Variants in SUPT16H observed in about 807,000 individuals in gnomAD.
The protein encoded by SUPT16H is FACT complex subunit SPT16.
A neutral mutation model predicts 136.2 loss-of-function variants in SUPT16H; 24 were observed. The observed-to-expected ratio is 0.18, with a 90% CI of 0.13 to 0.25. The LOEUF (loss-of-function observed/expected upper bound fraction) is 0.25. Among genes scored for constraint, SUPT16H ranks in the 10% least tolerant of loss-of-function variants. The probability of loss-of-function intolerance (pLI) is 1.00; values close to 1 mark genes in which losing one functional copy is unlikely to be tolerated. For missense variants in SUPT16H, 623 were observed against 1,270.2 expected, an observed-to-expected ratio of 0.49 and a Z score of 7.74; for synonymous variants, 415 against 428.2, an observed-to-expected ratio of 0.97 and a Z score of 0.38.
rs72684747 is a variant in SUPT16H, at chr14:21,378,240, A to G, written c.67-4810T>C. 8.2e-3 allele frequency among the ~76,000 whole-genome samples: 1,252 copies of G among 152,328 alleles called. 14 individuals carry two copies. Among genetic ancestry groups the G allele is most frequent in the Non-Finnish European group, 0.012 (847 of 68,030 alleles). ...ATTCTATGAGTGTGAGAAATTTAGA[A>G]TAAAAGACTGGTAACATTATAATAG... On this transcript the variant is annotated intron_variant, in intron 1 of 25. Coordinates refer to ENST00000216297, the MANE Select transcript of SUPT16H (RefSeq NM_007192.4).
intron 10 of SUPT16H, 63 bp from the exon 11 acceptor site, chr14:21,363,566 G>T: frequency 7.0e-7 from 1 of 1,427,896 alleles, no homozygotes; most frequent in Non-Finnish European, 9.8e-7. Flanking sequence ...TTCTAACCTA[G>T]TAAACGGCTG....
chr14:21,364,460 C>G (rs1305183806), intron 10 of SUPT16H, among the ~76,000 whole-genome samples: 1 of 152,004 alleles, frequency 6.6e-6, no homozygotes, highest in Admixed American at 6.5e-5. Context: ...GATGGTTACA[C>G]AAATGTGAAA....
At chr14:21,381,622 T>A (rs990195583) in intron 1 of SUPT16H, among the ~76,000 whole-genome samples, 30 of 112,396 alleles carry the variant, frequency 2.7e-4, no homozygotes, top group African/African-American at 8.1e-4. Flanking sequence ...TTTTTTTTTT[T>A]AATTTATTTT....
Position 21,353,755 on chromosome 14 carries a change from T to C in SUPT16H, c.2868A>G (p.Glu956=), listed in dbSNP as rs1886372155. The C allele has an allele frequency of 6.2e-7, 1 of 1,613,994 alleles. No individual in the cohort carries two copies. Among genetic ancestry groups the C allele is most frequent in the Non-Finnish European group, 8.5e-7 (1 of 1,180,012 alleles). ...CTTCATCACTGTCCTCCTCTTCCTC[T>C]TCATAGTCATCTTCTGAAGGATTAA... is the stretch of plus-strand genomic sequence containing the variant. The part of the protein sequence containing the change: ...ETFNPSEDDY[E]EEEEDSDEDY... The change falls in exon 24 of 26, where the codon GAA becomes GAG. Residue 956 remains glutamate (E), a synonymous_variant. Transcript: ENST00000216297.
intron 10 of SUPT16H, among the ~76,000 whole-genome samples, chr14:21,364,245 A>C (rs1013512707): frequency 2.0e-5 from 3 of 152,144 alleles, no homozygotes; most frequent in Admixed American, 6.5e-5. Flanking sequence ...GAGGGAAAGA[A>C]GCCAGTCACA....
chr14:21,374,413 A>T (rs1349513218), intron 1 of SUPT16H, among the ~76,000 whole-genome samples: 1 of 152,246 alleles, frequency 6.6e-6, no homozygotes, highest in Admixed American at 6.5e-5. Context: ...ATACAATGTA[A>T]TGATTTTTAG....
intron 2 of SUPT16H, chr14:21,372,266 C>A (rs367725391): frequency 2.1e-6 from 1 of 487,572 alleles, no homozygotes; most frequent in Non-Finnish European, 3.6e-6. Context: ...ATTTTCTCTA[C>A]GTTTATATGC....
At chr14:21,380,610 G>A (rs545112481) in intron 1 of SUPT16H, among the ~76,000 whole-genome samples, 2 of 152,134 alleles carry the variant, frequency 1.3e-5, no homozygotes, top group African/African-American at 4.8e-5. Context: ...TTTGGGGTCA[G>A]TCTTCCACTA....
chr14:21,368,199 G>GGGATTACAGTGTAGGGATT, intron 7 of SUPT16H, 70 bp downstream of exon 7: 1 of 1,512,380 alleles, frequency 6.6e-7, no homozygotes, highest in Non-Finnish European at 9.0e-7. Flanking sequence ...TTACAGGTGT[G>GGGATTACAGTGTAGGGATT]ACCCACAGCT....
intron 1 of SUPT16H, chr14:21,383,562 G>T: frequency 1.5e-6 from 1 of 688,528 alleles, no homozygotes; most frequent in Non-Finnish European, 2.6e-6. Flanking sequence ...CCACGGAGTA[G>T]GAGGGAAGGA....
chr14:21,381,828 C>T (rs1402402772), intron 1 of SUPT16H, among the ~76,000 whole-genome samples: 1 of 150,424 alleles, frequency 6.6e-6, no homozygotes, highest in Non-Finnish European at 1.5e-5. Flanking sequence ...ATCATCTTGC[C>T]CAGGCTGGTC....
At chr14:21,366,320 A>G in intron 8 of SUPT16H, 119 bp downstream of exon 8, 1 of 890,214 alleles carries the variant, frequency 1.1e-6, no homozygotes, top group Non-Finnish European at 1.8e-6. Context: ...GGCACATAGT[A>G]TAGTTTGCTA....
chr14:21,373,572 G>A (rs1046477076), intron 1 of SUPT16H, 142 bp from the exon 2 acceptor site: 15 of 659,550 alleles, frequency 2.3e-5, no homozygotes, highest in African/African-American at 1.5e-4. Flanking sequence ...GCAGTCTTAC[G>A]GCTATTCTAT....
chr14:21,383,750 G>C (rs751917951), intron 1 of SUPT16H, 112 bp downstream of exon 1: 5 of 1,244,850 alleles, frequency 4.0e-6, no homozygotes, highest in Non-Finnish European at 5.9e-6. Context: ...AAAAGGGTGA[G>C]GCACAGAACC....
chr14:21,371,910 A>G lies in SUPT16H; in HGVS notation c.294T>C (p.Asn98=), dbSNP rs1256442293. The change falls in exon 3 of 26, where the codon AAT becomes AAC. Residue 98 remains asparagine (N), a synonymous_variant. Transcript: ENST00000216297. Reference sequence around the variant, plus strand: ...TTAGCAGTGTGATGGCAGGGGCTCCATTAGCATTCTCATTGCCCTTAGTGT... The same window carrying G: ...TTAGCAGTGTGATGGCAGGGGCTCCGTTAGCATTCTCATTGCCCTTAGTGT... The part of the protein sequence containing the change: ...IANTKGNENA[N]GAPAITLLIR... 2 of 1,614,002 alleles carry G rather than the reference A, an allele frequency of 1.2e-6. No individual in the cohort carries two copies. The highest frequency in any genetic ancestry group is 8.5e-7 in the Non-Finnish European group (1 of 1,180,020).
intron 10 of SUPT16H, among the ~76,000 whole-genome samples, chr14:21,364,283 T>C (rs1389908075): frequency 6.6e-6 from 1 of 152,162 alleles, no homozygotes; most frequent in African/African-American, 2.4e-5. Flanking sequence ...TGACTGAATT[T>C]ACATCAACTG....
chr14:21,370,781 ATT>A (rs113154650), intron 3 of SUPT16H, among the ~76,000 whole-genome samples: 9 of 139,412 alleles, frequency 6.5e-5, no homozygotes, highest in Admixed American at 7.2e-5. Context: ...GCCTGGATAA[ATT>A]TTTTTTTTTT....
Position 21,369,803 on chromosome 14 carries a change from C to T in SUPT16H, c.577G>A (p.Val193Ile). ...MKKAASITSE[V>I]FNKFFKERVM... ...CTTTCCTTGAAGAATTTGTTGAAGA[C>T]TTCAGAAGTGATGCTGGCTGCTTTC... Residue 193 changes from valine to isoleucine, a missense_variant, in exon 5 of 26, where the codon GTC (valine) becomes ATC (isoleucine). Val to Ile is a conservative substitution (Grantham distance 29). Around this residue, in one of 7 missense-constraint regions of SUPT16H, gnomAD observed 343 missense variants for 525.7 expected, o/e 0.65. Transcript: ENST00000216297. 6.2e-7 allele frequency: 1 copy of T among 1,614,172 alleles called. No homozygotes were observed. Among genetic ancestry groups the T allele is most frequent in the East Asian group, 2.2e-5 (1 of 44,874 alleles).
In SUPT16H at chr14:21,360,543, AGAAT is replaced by A; in HGVS notation, c.2057-14_2057-11del. The A allele has an allele frequency of 1.9e-6, 3 of 1,601,738 alleles. No homozygotes were observed. Among genetic ancestry groups the A allele is most frequent in the Non-Finnish European group, 1.7e-6 (2 of 1,171,276 alleles). On this transcript the variant is annotated splice_polypyrimidine_tract_variant and intron_variant, in intron 17 of 25. Transcript: ENST00000216297. The stretch of plus-strand genomic sequence containing the variant: ...GATGTGAAGCGGAAGCCTGGGGAAA[AGAAT>A]GAAGAAATGTCAAGCAGTATAATTA...
Sources: allele counts gnomAD v4.1 joint callset (sites outside exome capture counted in the v4.1 genomes callset), GRCh38; gene constraint gnomAD v4.1.1; regional missense constraint gnomAD v4.1.1; transcripts MANE v1.5; gene names NCBI Gene and HGNC (gene_info 2026-07-23, HGNC 2026-07-21).